Variants in TNR observed in about 807,000 individuals in gnomAD.
TNR encodes the protein tenascin R.
In TNR, 45 loss-of-function variants were observed where a neutral mutation model predicts 150.4. The ratio of observed to expected loss-of-function variants is 0.30; its 90% CI spans 0.24 to 0.38. The LOEUF (loss-of-function observed/expected upper bound fraction) is 0.38, where lower values mean the gene tolerates loss of function less well. TNR is among the 10% of genes least tolerant of loss of function. The pLI, the probability that TNR is intolerant of heterozygous loss-of-function variation, is 1.00. For missense variants in TNR, 1,544 were observed against 1,759.1 expected, an observed-to-expected ratio of 0.88 and a Z score of 2.19; for synonymous variants, 687 against 678.4, an observed-to-expected ratio of 1.01 and a Z score of -0.20.
chr1:175,499,626 G>A (rs775761718), intron 2 of TNR, among the ~76,000 whole-genome samples: 13 of 152,266 alleles, frequency 8.5e-5, no homozygotes, highest in East Asian at 3.9e-4. Flanking sequence ...CCTCTGACTA[G>A]GTTTTTCTGG....
At position 175,675,184 on chromosome 1, in the gene TNR, C is replaced by T. The variant is rs1665822207; in HGVS notation, c.-165+68042G>A. Among the ~76,000 whole-genome samples, 4 of 152,348 alleles carry T rather than the reference C, an allele frequency of 2.6e-5. No individual in the cohort carries two copies. The South Asian group carries it at 8.3e-4, about 32-fold the overall frequency. ...ACCTCTCTTAGCTTCTCACTCTGTC[C>T]CATTGTGCATATCGGCTTGTCGCCG... On this transcript the variant is annotated intron_variant, in intron 1 of 22. Coordinates refer to ENST00000367674, the MANE Select transcript of TNR (RefSeq NM_003285.3).
intron 2 of TNR, among the ~76,000 whole-genome samples, chr1:175,442,867 T>C (rs1366228206): frequency 2.0e-5 from 3 of 151,784 alleles, no homozygotes; most frequent in African/African-American, 7.3e-5. Context: ...ACAGTTGATA[T>C]ATTTCCAGGC....
chr1:175,614,481 T>A (rs1395664909), intron 1 of TNR, among the ~76,000 whole-genome samples: 1 of 152,242 alleles, frequency 6.6e-6, no homozygotes, highest in East Asian at 1.9e-4. Context: ...GTCTCACCTC[T>A]TACCACCTTC....
intron 2 of TNR, among the ~76,000 whole-genome samples, chr1:175,468,396 A>C (rs1276482597): frequency 2.0e-5 from 3 of 152,242 alleles, no homozygotes; most frequent in Non-Finnish European, 4.4e-5. Context: ...TAATCACACC[A>C]GTTCATTTTC....
At chr1:175,571,538 A>G (rs148421916) in intron 1 of TNR, among the ~76,000 whole-genome samples, 25 of 152,350 alleles carry the variant, frequency 1.6e-4, no homozygotes, top group Non-Finnish European at 3.1e-4. Flanking sequence ...GCTAACCTGT[A>G]TGCTAAAACC....
chr1:175,686,622 T>C (rs1355568758), intron 1 of TNR, among the ~76,000 whole-genome samples: 1 of 152,170 alleles, frequency 6.6e-6, no homozygotes, highest in African/African-American at 2.4e-5. Context: ...CAATAGGTAG[T>C]TTTTTAACCC....
intron 2 of TNR, among the ~76,000 whole-genome samples, chr1:175,527,263 C>G (rs927692112): frequency 6.6e-6 from 1 of 152,300 alleles, no homozygotes; most frequent in East Asian, 1.9e-4. Context: ...GTGATGATGT[C>G]TCTTGTGAAT....
At chr1:175,490,114 G>A (rs1473576386) in intron 2 of TNR, among the ~76,000 whole-genome samples, 1 of 152,196 alleles carries the variant, frequency 6.6e-6, no homozygotes, top group Non-Finnish European at 1.5e-5. Context: ...ACAAAAACAA[G>A]CAATGGGGAA....
intron 1 of TNR, among the ~76,000 whole-genome samples, chr1:175,577,344 A>G (rs145969517): frequency 6.6e-6 from 1 of 152,238 alleles, no homozygotes; most frequent in East Asian, 1.9e-4. Flanking sequence ...TAGGTCTGGG[A>G]GTGAAGACAT....
intron 1 of TNR, among the ~76,000 whole-genome samples, chr1:175,657,617 G>T (rs1476653456): frequency 6.6e-6 from 1 of 151,620 alleles, no homozygotes; most frequent in East Asian, 1.9e-4. Context: ...CATGTCCTTT[G>T]TAGGGACATG....
At chr1:175,418,554 TCTA>T (rs1654610357) in intron 2 of TNR, among the ~76,000 whole-genome samples, 1 of 152,088 alleles carries the variant, frequency 6.6e-6, no homozygotes, top group Non-Finnish European at 1.5e-5. Flanking sequence ...AAACCCCACC[TCTA>T]CTAAGAATAC....
rs748401978 is a variant in TNR at position 175,403,303 on chromosome 1, C to T, written c.813G>A (p.Ser271=). 110 of 1,614,052 alleles carry T rather than the reference C, an allele frequency of 6.8e-5. No homozygotes were observed. The highest frequency in any genetic ancestry group is 3.3e-4 in the Middle Eastern group (2 of 6,084). ...TACCGTTGGCACATCTCCCCTTCCC[C>T]GAACAGTCCCCAGGGCACCTCAGTT... ...CRELRCPGDC[S]GKGRCANGTC... The change falls in exon 4 of 23, where the codon TCG becomes TCA. Residue 271 remains serine (S), a synonymous_variant. Transcript: ENST00000367674.
At chr1:175,628,901 C>T (rs751690036) in intron 1 of TNR, among the ~76,000 whole-genome samples, 2 of 152,162 alleles carry the variant, frequency 1.3e-5, no homozygotes, top group African/African-American at 4.8e-5. Context: ...TCATGAAGGA[C>T]ACTTATCTCT....
At chr1:175,706,400 A>G (rs1666843269) in intron 1 of TNR, among the ~76,000 whole-genome samples, 1 of 152,162 alleles carries the variant, frequency 6.6e-6, no homozygotes, top group African/African-American at 2.4e-5. Flanking sequence ...GGCACCACCC[A>G]TTGAGAAGGA....
chr1:175,454,591 C>A (rs1656479212), intron 2 of TNR, among the ~76,000 whole-genome samples: 1 of 152,236 alleles, frequency 6.6e-6, no homozygotes, highest in South Asian at 2.1e-4. Flanking sequence ...CCTGCCTCAG[C>A]CTCTGGAGTA....
intron 20 of TNR, among the ~76,000 whole-genome samples, chr1:175,331,004 T>C (rs997872318): frequency 6.2e-4 from 24 of 38,484 alleles, no homozygotes; most frequent in Non-Finnish European, 3.6e-4. Flanking sequence ...GGTGATTCTT[T>C]CTTTCTTTCT....
intron 2 of TNR, among the ~76,000 whole-genome samples, chr1:175,509,594 T>A (rs1571540681): frequency 6.6e-6 from 1 of 152,188 alleles, no homozygotes; most frequent in South Asian, 2.1e-4. Flanking sequence ...TCACCCCTGA[T>A]GCTTGACACT....
chr1:175,610,801 A>T (rs1663570930), intron 1 of TNR, among the ~76,000 whole-genome samples: 1 of 152,260 alleles, frequency 6.6e-6, no homozygotes, highest in African/African-American at 2.4e-5. Flanking sequence ...GATTTGACAC[A>T]CATCATAGAC....
intron 2 of TNR, among the ~76,000 whole-genome samples, chr1:175,525,735 G>T (rs1015189984): frequency 6.6e-6 from 1 of 152,196 alleles, no homozygotes; most frequent in Admixed American, 6.5e-5. Flanking sequence ...ATGCTCAAGG[G>T]TTAAGCTCAA....
Sources: allele counts gnomAD v4.1 joint callset (sites outside exome capture counted in the v4.1 genomes callset), GRCh38; gene constraint gnomAD v4.1.1; transcripts MANE v1.5; gene names NCBI Gene and HGNC (gene_info 2026-07-23, HGNC 2026-07-21).